SFXN1: variants seen among roughly 807,000 people sequenced by gnomAD.
The protein encoded by SFXN1 is sideroflexin-1.
SFXN1 carries 32 observed loss-of-function variants against 39.5 expected under a neutral mutation model. The ratio of observed to expected loss-of-function variants is 0.81; its 90% CI spans 0.61 to 1.09. SFXN1 has a LOEUF of 1.09. Among genes scored for constraint, SFXN1 ranks in the 50% least tolerant of loss-of-function variants. The pLI is 0.00. For missense variants in SFXN1, 402 were observed against 407.1 expected (o/e 0.99, Z 0.11); for synonymous variants, 136 against 146.5 (o/e 0.93, Z 0.52).
chr5:175,497,091 G>C (rs1759884969), intron 2 of SFXN1, among the ~76,000 whole-genome samples: 1 of 152,114 alleles, frequency 6.6e-6, no homozygotes, highest in African/African-American at 2.4e-5. Flanking sequence ...GTTTCACCAT[G>C]TTGGCCAGGC....
chr5:175,480,245 C>A (rs898900555), intron 1 of SFXN1, among the ~76,000 whole-genome samples: 4 of 152,202 alleles, frequency 2.6e-5, no homozygotes, highest in African/African-American at 7.2e-5. Flanking sequence ...ACTAAAAATA[C>A]AAAAAATTAG....
Position 175,528,496 on chromosome 5 carries a change from G to T in SFXN1, c.*1762G>T, listed in dbSNP as rs1761141960. Reference sequence around the variant, plus strand: ...GAGGGGTGACATTTCATGAAGTGTAGATCATTGTATTCAGAGATTGTAAAT... The same window carrying T: ...GAGGGGTGACATTTCATGAAGTGTATATCATTGTATTCAGAGATTGTAAAT... On this transcript the variant is annotated 3_prime_UTR_variant, in exon 11 of 11. Transcript: ENST00000321442. 6.6e-6 allele frequency: 1 copy of T among 152,046 alleles called. No individual in the cohort carries two copies. Among genetic ancestry groups the T allele is most frequent in the Non-Finnish European group, 1.5e-5 (1 of 68,024 alleles). 9.4% of individuals were successfully genotyped at this position (152,046 alleles called of 1,614,324 possible).
At chr5:175,496,908 T>C (rs1581278275) in intron 2 of SFXN1, among the ~76,000 whole-genome samples, 1 of 152,022 alleles carries the variant, frequency 6.6e-6, no homozygotes, top group South Asian at 2.1e-4. Context: ...CTTTTTTTTT[T>C]TGAGATGGAG....
At position 175,521,941 on chromosome 5, in the gene SFXN1, C is replaced by T. The variant is rs767443925; in HGVS notation, c.797C>T (p.Pro266Leu). 34 of 1,601,964 alleles carry T rather than the reference C, an allele frequency of 2.1e-5. No individual in the cohort carries two copies. In the South Asian group the frequency reaches 3.4e-4, roughly 16 times the overall value. The part of the protein sequence containing the change: ...FLKRFPWMSA[P>L]IQVGLVGFCL... The stretch of plus-strand genomic sequence containing the variant: ...CAGAGGTTCCCATGGATGAGTGCAC[C>T]CATTCAAGTTGGGTTAGTTGGCTTC... Residue 266 changes from proline to leucine, a missense_variant, in exon 9 of 11, where the codon CCC becomes CTC. Physicochemically the swap from Pro to Leu is moderately conservative, Grantham distance 98. Transcript: ENST00000321442.
intron 1 of SFXN1, among the ~76,000 whole-genome samples, chr5:175,486,206 T>C (rs1320678714): frequency 1.3e-5 from 2 of 152,154 alleles, no homozygotes; most frequent in Non-Finnish European, 2.9e-5. Context: ...CTCCAAGATA[T>C]CATTTCTCTG....
At position 175,528,973 on chromosome 5, in the gene SFXN1, G is replaced by A. The variant is rs1002902239; in HGVS notation, c.*2239G>A. 1 of 152,196 alleles carries A rather than the reference G, an allele frequency of 6.6e-6. No individual in the cohort carries two copies. The highest frequency in any genetic ancestry group is 2.4e-5 in the African/African-American group (1 of 41,430). The allele number at this position is 152,196 out of a possible 1,614,324, so 9.4% of individuals were successfully genotyped here. ...TCAGAATGTTAACCTCCAGTGAAGA[G>A]CTAATGACTGGTTAGAAGATTGACA... On this transcript the variant is annotated 3_prime_UTR_variant, in exon 11 of 11. Coordinates refer to ENST00000321442, the MANE Select transcript of SFXN1 (RefSeq NM_022754.7).
At chr5:175,492,588 C>T in intron 2 of SFXN1, 1 of 204,504 alleles carries the variant, frequency 4.9e-6, no homozygotes, top group East Asian at 1.3e-4. Context: ...TCCACAACCC[C>T]TCCGTGCATT....
chr5:175,480,478 A>G (rs1476250256), intron 1 of SFXN1, among the ~76,000 whole-genome samples: 1 of 152,116 alleles, frequency 6.6e-6, no homozygotes, highest in Non-Finnish European at 1.5e-5. Context: ...CAGAGGTTAG[A>G]TTGAGGCTTT....
chr5:175,508,911 A>T, intron 2 of SFXN1, 121 bp from the exon 3 acceptor site: 1 of 857,136 alleles, frequency 1.2e-6, no homozygotes, highest in South Asian at 1.9e-5. Flanking sequence ...CTGGGATTAC[A>T]GACGTAAGCC....
intron 7 of SFXN1, 78 bp from the exon 8 acceptor site, chr5:175,516,536 T>C: frequency 7.7e-7 from 1 of 1,300,184 alleles, no homozygotes; most frequent in African/African-American, 1.5e-5. Flanking sequence ...AGAAGCTTTC[T>C]GTCAAATGGT....
At chr5:175,513,668 A>G in intron 7 of SFXN1, 78 bp downstream of exon 7, 4 of 1,456,370 alleles carry the variant, frequency 2.7e-6, no homozygotes, top group Non-Finnish European at 3.8e-6. Context: ...GAAAACAAAC[A>G]CATATATCAC....
At chr5:175,490,141 A>G (rs1004517157) in intron 1 of SFXN1, among the ~76,000 whole-genome samples, 1 of 152,194 alleles carries the variant, frequency 6.6e-6, no homozygotes, top group Non-Finnish European at 1.5e-5. Context: ...TTCTATGTCA[A>G]GAGTGGGATG....
chr5:175,481,289 T>G (rs1014769325), intron 1 of SFXN1, among the ~76,000 whole-genome samples: 1 of 152,156 alleles, frequency 6.6e-6, no homozygotes, highest in Non-Finnish European at 1.5e-5. Flanking sequence ...GAGCAATGGT[T>G]GTAATGTTAC....
chr5:175,499,975 G>T (rs1482897448), intron 2 of SFXN1, among the ~76,000 whole-genome samples: 2 of 152,162 alleles, frequency 1.3e-5, no homozygotes, highest in African/African-American at 4.8e-5. Flanking sequence ...GATCACCTGA[G>T]GTCAGAAGTT....
chr5:175,522,331 T>C (rs747791981), intron 9 of SFXN1, 44 bp from the exon 10 acceptor site: 2 of 1,536,668 alleles, frequency 1.3e-6, no homozygotes, highest in East Asian at 2.3e-5. Flanking sequence ...AGCTGAAAAT[T>C]AACCATTTAA....
intron 8 of SFXN1, among the ~76,000 whole-genome samples, chr5:175,517,181 A>G (rs1173272632): frequency 6.6e-6 from 1 of 152,204 alleles, no homozygotes; most frequent in African/African-American, 2.4e-5. Flanking sequence ...GGAGCTGGAA[A>G]ATGATAAAAG....
At chr5:175,489,178 T>C (rs113011980) in intron 1 of SFXN1, among the ~76,000 whole-genome samples, 2 of 152,246 alleles carry the variant, frequency 1.3e-5, no homozygotes, top group African/African-American at 4.8e-5. Flanking sequence ...GTTATGCATT[T>C]AGACTATGGT....
intron 9 of SFXN1, 110 bp from the exon 10 acceptor site, chr5:175,522,265 A>G (rs1025599096): frequency 1.5e-5 from 17 of 1,130,566 alleles, no homozygotes; most frequent in Non-Finnish European, 2.0e-5. Flanking sequence ...TAGACAACAC[A>G]GAACGTAATG....
intron 10 of SFXN1, 33 bp from the exon 11 acceptor site, chr5:175,526,605 T>C: frequency 6.4e-7 from 1 of 1,573,886 alleles, no homozygotes; most frequent in Non-Finnish European, 8.7e-7. Context: ...CCTCTGCCTG[T>C]GTAATAACCC....
Sources: allele counts gnomAD v4.1 joint callset (sites outside exome capture counted in the v4.1 genomes callset), GRCh38; gene constraint gnomAD v4.1.1; transcripts MANE v1.5; gene names NCBI Gene and HGNC (gene_info 2026-07-23, HGNC 2026-07-21).